Variants in PLA2G4A observed in about 807,000 individuals in gnomAD.
PLA2G4A encodes cytosolic phospholipase A2.
PLA2G4A carries 40 observed loss-of-function variants against 81.9 expected under a neutral mutation model. The observed-to-expected ratio is 0.49, with a 90% CI of 0.38 to 0.64. The LOEUF (loss-of-function observed/expected upper bound fraction) is 0.64. Ranked by LOEUF, PLA2G4A falls within the 30% of genes least tolerant of loss-of-function variation. PLA2G4A has a pLI of 0.00. For synonymous variants in PLA2G4A, 302 were observed against 296.9 expected (o/e 1.02, Z -0.18); for missense variants, 715 against 905.1 (o/e 0.79, Z 2.69).
intron 1 of PLA2G4A, among the ~76,000 whole-genome samples, chr1:186,844,584 T>C (rs937100606): frequency 6.6e-6 from 1 of 152,174 alleles, no homozygotes; most frequent in African/African-American, 2.4e-5. Flanking sequence ...ATCCTTCAGG[T>C]ATATACCCAG....
chr1:186,863,152 C>T lies in PLA2G4A; in HGVS notation c.34-7283C>T, dbSNP rs1250027955. ...GGTCTGCTATATTGCCTAGGCTGGC[C>T]TCGAACTCCTGGGCTCAAGCGATCC... On this transcript the variant is annotated intron_variant, in intron 2 of 17. Transcript: ENST00000367466. Among the ~76,000 whole-genome samples, 7 of 152,056 alleles carry T rather than the reference C, an allele frequency of 4.6e-5. 1 individual carries two copies. The highest frequency in any genetic ancestry group is 4.6e-4 in the Admixed American group (7 of 15,240).
intron 2 of PLA2G4A, among the ~76,000 whole-genome samples, chr1:186,855,067 C>A (rs1246468842): frequency 6.6e-6 from 1 of 151,944 alleles, no homozygotes; most frequent in Non-Finnish European, 1.5e-5. Flanking sequence ...TCTTACTCTG[C>A]ATCCATTTCT....
At chr1:186,841,417 C>A (rs2102007306) in intron 1 of PLA2G4A, among the ~76,000 whole-genome samples, 1 of 152,158 alleles carries the variant, frequency 6.6e-6, no homozygotes, top group Admixed American at 6.5e-5. Context: ...TCCTTTTTAG[C>A]CCCAGTGCAT....
At chr1:186,854,804 G>T (rs1454498361) in intron 2 of PLA2G4A, among the ~76,000 whole-genome samples, 1 of 151,868 alleles carries the variant, frequency 6.6e-6, no homozygotes, top group Admixed American at 6.6e-5. Flanking sequence ...CTTTCCCTTA[G>T]TTAGATATGT....
intron 10 of PLA2G4A, among the ~76,000 whole-genome samples, chr1:186,943,180 G>A (rs773686887): frequency 1.8e-4 from 28 of 152,148 alleles, no homozygotes; most frequent in South Asian, 6.2e-4. Flanking sequence ...CAACAATACC[G>A]GATAATATTT....
At position 186,911,306 on chromosome 1, in the gene PLA2G4A, C is replaced by A. The variant is rs150296760; in HGVS notation, c.475C>A (p.Gln159Lys). The change falls in exon 7 of 18, where the codon CAA becomes AAA. Residue 159 changes from glutamine to lysine, a missense_variant. Transcript: ENST00000367466. ...ALCDQEKTFR[Q>K]QRKEHIRESM... is the part of the protein sequence containing the mutation. ...GTGTGATCAGGAGAAGACTTTCAGA[C>A]AACAGAGAAAAGAACACATAAGGGA... 14 of 1,609,378 alleles carry A rather than the reference C, an allele frequency of 8.7e-6. No homozygotes were observed. Among genetic ancestry groups the A allele is most frequent in the Non-Finnish European group, 1.2e-5 (14 of 1,175,952 alleles).
chr1:186,934,443 CATATAT>C (rs71571011), intron 8 of PLA2G4A, among the ~76,000 whole-genome samples: 2 of 99,564 alleles, frequency 2.0e-5, no homozygotes, highest in African/African-American at 4.5e-5. Flanking sequence ...TAAATGTGCA[CATATAT>C]ATATATATAT....
At chr1:186,949,206 T>C (rs1280767588) in intron 12 of PLA2G4A, among the ~76,000 whole-genome samples, 1 of 151,032 alleles carries the variant, frequency 6.6e-6, no homozygotes, top group Non-Finnish European at 1.5e-5. Flanking sequence ...AATAAGACAG[T>C]ATTTTGGTGA....
intron 7 of PLA2G4A, among the ~76,000 whole-genome samples, chr1:186,918,005 C>A (rs6686860): frequency 1.3e-5 from 2 of 152,042 alleles, no homozygotes; most frequent in Non-Finnish European, 2.9e-5. Context: ...ATGGCCAATA[C>A]GACTGTGGCT....
chr1:186,838,349 G>A (rs1651862720), intron 1 of PLA2G4A, among the ~76,000 whole-genome samples: 1 of 152,052 alleles, frequency 6.6e-6, no homozygotes, highest in Non-Finnish European at 1.5e-5. Flanking sequence ...GATAACCAGT[G>A]CACTAAGCAA....
At chr1:186,945,163 G>A (rs1656292760) in intron 10 of PLA2G4A, among the ~76,000 whole-genome samples, 1 of 152,226 alleles carries the variant, frequency 6.6e-6, no homozygotes, top group Non-Finnish European at 1.5e-5. Context: ...GTAGGAGCAA[G>A]CATTATAACT....
chr1:186,927,261 G>A (rs1025550439), intron 7 of PLA2G4A, among the ~76,000 whole-genome samples: 2 of 152,146 alleles, frequency 1.3e-5, no homozygotes, highest in African/African-American at 4.8e-5. Context: ...CAAACTTGCT[G>A]TTAGAACAGT....
intron 2 of PLA2G4A, among the ~76,000 whole-genome samples, chr1:186,860,172 TATTA>T (rs1440016369): frequency 1.2e-4 from 19 of 152,302 alleles, no homozygotes; most frequent in Admixed American, 3.9e-4. Context: ...AAGTATGTGG[TATTA>T]ATTAATTTAT....
chr1:186,949,321 A>G (rs1421813849), intron 12 of PLA2G4A, among the ~76,000 whole-genome samples: 1 of 136,324 alleles, frequency 7.3e-6, no homozygotes, highest in Non-Finnish European at 1.7e-5. Context: ...GAAAGAAGGA[A>G]GGAAGGAAGG....
intron 3 of PLA2G4A, among the ~76,000 whole-genome samples, chr1:186,888,049 C>A (rs960043687): frequency 5.9e-5 from 9 of 152,182 alleles, no homozygotes; most frequent in African/African-American, 2.2e-4. Context: ...GACATCTTAA[C>A]TCTGAAGTCT....
chr1:186,882,116 C>T (rs986337624), intron 3 of PLA2G4A, among the ~76,000 whole-genome samples: 7 of 152,118 alleles, frequency 4.6e-5, no homozygotes, highest in Admixed American at 6.6e-5. Context: ...TCAATTTCTT[C>T]ACCTCTGATG....
At chr1:186,883,477 T>C (rs936725901) in intron 3 of PLA2G4A, among the ~76,000 whole-genome samples, 1 of 152,054 alleles carries the variant, frequency 6.6e-6, no homozygotes, top group Non-Finnish European at 1.5e-5. Flanking sequence ...GGGGTGCATA[T>C]TGAGTGTTTT....
chr1:186,832,915 C>A (rs191068695), intron 1 of PLA2G4A, among the ~76,000 whole-genome samples: 4 of 151,984 alleles, frequency 2.6e-5, no homozygotes, highest in Non-Finnish European at 2.9e-5. Context: ...TTTCCTGAAA[C>A]CTTTCCCTTA....
intron 8 of PLA2G4A, among the ~76,000 whole-genome samples, chr1:186,934,020 C>A (rs898371343): frequency 6.6e-6 from 1 of 151,984 alleles, no homozygotes; most frequent in South Asian, 2.1e-4. Context: ...CTATATGTAC[C>A]CTCAAAATGA....
Sources: allele counts gnomAD v4.1 joint callset (sites outside exome capture counted in the v4.1 genomes callset), GRCh38; gene constraint gnomAD v4.1.1; transcripts MANE v1.5; gene names NCBI Gene and HGNC (gene_info 2026-07-23, HGNC 2026-07-21).